The following SORCS1 variants were observed in gnomAD, a reference collection of about 807,000 sequenced individuals.
SORCS1 encodes VPS10 domain-containing receptor SorCS1.
SORCS1 carries 60 observed loss-of-function variants against 146.1 expected under a neutral mutation model. The ratio of observed to expected loss-of-function variants is 0.41; its 90% confidence interval spans 0.33 to 0.51. The LOEUF (loss-of-function observed/expected upper bound fraction) is 0.51. SORCS1 is among the 20% of genes least tolerant of loss of function. The pLI is 0.21. For synonymous variants in SORCS1, 637 were observed against 584.0 expected (o/e 1.09, Z -1.31); for missense variants, 1,352 against 1,487.6 (o/e 0.91, Z 1.50).
intron 5 of SORCS1, among the ~76,000 whole-genome samples, chr10:106,740,094 A>T (rs962926008): frequency 1.3e-5 from 2 of 152,224 alleles, no homozygotes; most frequent in African/African-American, 2.4e-5. Context: ...AAGGGGGGGA[A>T]ATTAGGCACC....
chr10:107,087,737 T>A (rs937586134), intron 1 of SORCS1, among the ~76,000 whole-genome samples: 2 of 152,208 alleles, frequency 1.3e-5, no homozygotes, highest in African/African-American at 4.8e-5. Context: ...AGGTAACATT[T>A]ACCATGAAGA....
At position 106,999,177 on chromosome 10, in the gene SORCS1, T is replaced by TA. The variant is rs1484373438; in HGVS notation, c.559-42598dup. Among the ~76,000 whole-genome samples, 9 of 152,138 alleles carry TA rather than the reference T, an allele frequency of 5.9e-5. No individual in the cohort carries two copies. The East Asian group carries it at 1.2e-3, about 20-fold the overall frequency. Reference sequence around the variant, plus strand: ...GGTAATGCCCAGCACTTCTAACAACTAAAAACATACACACACGAACATACA... The same window carrying TA: ...GGTAATGCCCAGCACTTCTAACAACTAAAAAACATACACACACGAACATACA... On this transcript the variant is annotated intron_variant, in intron 1 of 25. Transcript: ENST00000263054.
At chr10:107,038,671 C>T (rs1235027490) in intron 1 of SORCS1, among the ~76,000 whole-genome samples, 5 of 129,366 alleles carry the variant, frequency 3.9e-5, no homozygotes, top group African/African-American at 1.3e-4. Flanking sequence ...GTAGACACTG[C>T]CCACCCCCAA....
intron 1 of SORCS1, among the ~76,000 whole-genome samples, chr10:107,063,665 G>C (rs1240552682): frequency 6.6e-6 from 1 of 152,144 alleles, no homozygotes. Context: ...GATAAGCCTG[G>C]TTATTTGAGT....
At chr10:106,647,012 TATATA>T (rs1358857347) in intron 18 of SORCS1, among the ~76,000 whole-genome samples, 1 of 426 alleles carries the variant, frequency 2.3e-3, no homozygotes, top group African/African-American at 2.7e-3. Context: ...TATGTGTATA[TATATA>T]TATATATATA....
At chr10:106,955,841 A>C (rs1282808646) in intron 2 of SORCS1, among the ~76,000 whole-genome samples, 1 of 151,882 alleles carries the variant, frequency 6.6e-6, no homozygotes, top group Non-Finnish European at 1.5e-5. Flanking sequence ...ATATACAAAA[A>C]AATTAGCCAG....
intron 2 of SORCS1, 132 bp downstream of exon 2, chr10:106,956,381 A>G (rs1205905106): frequency 1.3e-6 from 1 of 744,820 alleles, no homozygotes; most frequent in Non-Finnish European, 2.2e-6. Flanking sequence ...TAAAGGAAAC[A>G]GAGAAGAAAG....
At chr10:106,632,916 T>C (rs552476098) in intron 18 of SORCS1, among the ~76,000 whole-genome samples, 1 of 151,686 alleles carries the variant, frequency 6.6e-6, no homozygotes, top group Admixed American at 6.6e-5. Context: ...AGGAGATGAA[T>C]GAGTGAGGCA....
intron 1 of SORCS1, among the ~76,000 whole-genome samples, chr10:106,989,688 T>TG (rs1156810064): frequency 7.7e-6 from 1 of 130,476 alleles, no homozygotes; most frequent in Non-Finnish European, 1.6e-5. Flanking sequence ...TTGTTTTTTT[T>TG]TTTTTTTTTT....
At chr10:106,937,336 AT>A (rs111634393) in intron 2 of SORCS1, among the ~76,000 whole-genome samples, 51,858 of 143,450 alleles carry the variant, frequency 0.36, 9,061 homozygotes, top group African/African-American at 0.43. Context: ...ATGCCCAGCT[AT>A]TTTTTTTTTT....
chr10:106,921,614 G>A (rs1952715730), intron 2 of SORCS1, among the ~76,000 whole-genome samples: 1 of 152,098 alleles, frequency 6.6e-6, no homozygotes, highest in Non-Finnish European at 1.5e-5. Flanking sequence ...CAGTGCAAGG[G>A]ACACAGGGAG....
intron 25 of SORCS1, 172 bp from the exon 26 acceptor site, chr10:106,577,727 A>G: frequency 1.5e-6 from 2 of 1,312,820 alleles, no homozygotes; most frequent in Non-Finnish European, 2.0e-6. Context: ...GAACCAAACG[A>G]TCCCCAAAAA....
In SORCS1 at chr10:107,004,880, C is replaced by T. The variant is rs938357244; in HGVS notation, c.559-48300G>A. On this transcript the variant is annotated intron_variant, in intron 1 of 25. Coordinates refer to ENST00000263054, the MANE Select transcript of SORCS1 (RefSeq NM_052918.5). Reference sequence around the variant, plus strand: ...GTGTGTGTGGGTGGGTGGGCCTGTGCGTGTATGTGACAGTGAATTTCTAAA... The same window carrying T: ...GTGTGTGTGGGTGGGTGGGCCTGTGTGTGTATGTGACAGTGAATTTCTAAA... Among the ~76,000 whole-genome samples the T allele has an allele frequency of 2.6e-5, 4 of 151,962 alleles. No individual in the cohort carries two copies. In the East Asian group the frequency reaches 5.8e-4, roughly 22 times the overall value.
chr10:106,748,555 A>G (rs1261138352), intron 5 of SORCS1, among the ~76,000 whole-genome samples: 1 of 152,122 alleles, frequency 6.6e-6, no homozygotes, highest in Non-Finnish European at 1.5e-5. Flanking sequence ...TATTCGTGCT[A>G]GTCTGGAACG....
At chr10:106,808,150 G>A (rs1429957566) in intron 3 of SORCS1, among the ~76,000 whole-genome samples, 1 of 152,198 alleles carries the variant, frequency 6.6e-6, no homozygotes, top group Non-Finnish European at 1.5e-5. Context: ...CTCCCGAGTA[G>A]CTGGGATTAA....
intron 25 of SORCS1, chr10:106,578,538 G>T: frequency 2.2e-6 from 1 of 444,804 alleles, no homozygotes; most frequent in Non-Finnish European, 3.0e-6. Flanking sequence ...CAAATCTCCT[G>T]AGGGAAAGTT....
At chr10:106,659,433 C>A (rs1273305134) in intron 17 of SORCS1, among the ~76,000 whole-genome samples, 1 of 152,160 alleles carries the variant, frequency 6.6e-6, no homozygotes, top group Non-Finnish European at 1.5e-5. Context: ...TTGAGAATGG[C>A]TCACAGAATC....
chr10:106,939,368 A>G (rs1953916042), intron 2 of SORCS1, among the ~76,000 whole-genome samples: 1 of 151,484 alleles, frequency 6.6e-6, no homozygotes, highest in Non-Finnish European at 1.5e-5. Flanking sequence ...AAATTATCTT[A>G]TTTCTTTCAA....
At chr10:106,584,107 T>C (rs550148199) in intron 24 of SORCS1, among the ~76,000 whole-genome samples, 50 of 152,350 alleles carry the variant, frequency 3.3e-4, no homozygotes, top group Admixed American at 8.5e-4. Context: ...GCTTGAGTTA[T>C]ATGCTTTGAA....
Sources: gnomAD v4.1 joint callset for allele counts (sites outside exome capture counted in the v4.1 genomes callset) on GRCh38, gnomAD v4.1.1 for gene constraint, MANE v1.5 for transcripts, NCBI Gene and HGNC (gene_info 2026-07-23, HGNC 2026-07-21) for gene names.